The following PTPRT variants were observed in gnomAD, a reference collection of about 807,000 sequenced individuals.
The protein encoded by PTPRT is receptor-type tyrosine-protein phosphatase T.
A neutral mutation model predicts 176.8 loss-of-function variants in PTPRT; 56 were observed. The ratio of observed to expected loss-of-function variants is 0.32; its 90% CI spans 0.26 to 0.40. PTPRT has a LOEUF of 0.40. Ranked by LOEUF, PTPRT falls within the 10% of genes least tolerant of loss-of-function variation. PTPRT has a pLI of 1.00. For missense variants in PTPRT, 1,540 were observed against 1,908.2 expected (o/e 0.81, Z 3.60); for synonymous variants, 783 against 739.0 (o/e 1.06, Z -0.96).
intron 1 of PTPRT, among the ~76,000 whole-genome samples, chr20:42,920,058 T>C (rs1467622655): frequency 6.6e-6 from 1 of 152,226 alleles, no homozygotes; most frequent in Admixed American, 6.5e-5. Context: ...GCATTTTGAA[T>C]GTCCTAGATG....
At chr20:42,818,112 C>A (rs2077822031) in intron 2 of PTPRT, among the ~76,000 whole-genome samples, 1 of 152,076 alleles carries the variant, frequency 6.6e-6, no homozygotes, top group Non-Finnish European at 1.5e-5. Flanking sequence ...CAGGAGCAAC[C>A]CTACTGGCAT....
chr20:42,758,815 C>G (rs1442108955), intron 5 of PTPRT, among the ~76,000 whole-genome samples: 20 of 152,172 alleles, frequency 1.3e-4, no homozygotes, highest in Non-Finnish European at 1.5e-4. Flanking sequence ...TTTCACTGTT[C>G]TGAGCTGGAA....
At chr20:42,742,390 G>A (rs778225656) in intron 6 of PTPRT, among the ~76,000 whole-genome samples, 1 of 152,218 alleles carries the variant, frequency 6.6e-6, no homozygotes, top group Non-Finnish European at 1.5e-5. Flanking sequence ...ACAAGTCACA[G>A]TTGGTTCAGC....
At chr20:42,810,645 T>C (rs574943502) in intron 2 of PTPRT, among the ~76,000 whole-genome samples, 22 of 152,324 alleles carry the variant, frequency 1.4e-4, no homozygotes, top group African/African-American at 5.3e-4. Context: ...CAAGTACAGG[T>C]TGGATGGAAG....
At chr20:42,383,060 C>A (rs1890581380) in intron 9 of PTPRT, among the ~76,000 whole-genome samples, 1 of 152,138 alleles carries the variant, frequency 6.6e-6, no homozygotes, top group African/African-American at 2.4e-5. Flanking sequence ...CCTCAGTTTC[C>A]TCAATTTAAA....
intron 9 of PTPRT, among the ~76,000 whole-genome samples, chr20:42,367,306 G>C (rs1441880096): frequency 1.3e-5 from 2 of 152,180 alleles, no homozygotes; most frequent in African/African-American, 2.4e-5. Context: ...GGAGACTGTC[G>C]AGTAGGTCAG....
intron 6 of PTPRT, among the ~76,000 whole-genome samples, chr20:42,733,891 G>A (rs2146271320): frequency 6.6e-6 from 1 of 152,308 alleles, no homozygotes; most frequent in South Asian, 2.1e-4. Flanking sequence ...TTGGCCAGGT[G>A]CTCTGGCAAT....
chr20:42,145,093 G>A (rs1988801209), intron 17 of PTPRT, among the ~76,000 whole-genome samples: 2 of 152,194 alleles, frequency 1.3e-5, no homozygotes, highest in African/African-American at 4.8e-5. Context: ...TGTTAGTTGT[G>A]TAGTCTCTGT....
chr20:42,564,196 A>T (rs573041900), intron 7 of PTPRT, among the ~76,000 whole-genome samples: 1 of 152,352 alleles, frequency 6.6e-6, no homozygotes, highest in South Asian at 2.1e-4. Flanking sequence ...TCTCCTTCAC[A>T]GAAAGAAACA....
At chr20:42,229,091 C>T (rs1193463255) in intron 15 of PTPRT, among the ~76,000 whole-genome samples, 1 of 152,158 alleles carries the variant, frequency 6.6e-6, no homozygotes, top group African/African-American at 2.4e-5. Flanking sequence ...GAATTCACTG[C>T]AGGGATAAAC....
intron 9 of PTPRT, among the ~76,000 whole-genome samples, chr20:42,421,457 A>C (rs938599952): frequency 1.3e-5 from 2 of 152,144 alleles, no homozygotes; most frequent in Non-Finnish European, 2.9e-5. Flanking sequence ...GGAGACGTTG[A>C]CAGTCACGAC....
intron 1 of PTPRT, among the ~76,000 whole-genome samples, chr20:43,115,867 C>G (rs1311924862): frequency 1.3e-5 from 2 of 152,210 alleles, no homozygotes; most frequent in African/African-American, 4.8e-5. Context: ...CTGAGGAAGT[C>G]CTCTGAAAAT....
At chr20:42,519,170 T>A (rs1260808807) in intron 7 of PTPRT, among the ~76,000 whole-genome samples, 1 of 152,168 alleles carries the variant, frequency 6.6e-6, no homozygotes. Context: ...GCCACTAATC[T>A]GTTCTCCAGT....
At chr20:43,077,577 G>A (rs2011312503) in intron 1 of PTPRT, among the ~76,000 whole-genome samples, 1 of 152,170 alleles carries the variant, frequency 6.6e-6, no homozygotes, top group Non-Finnish European at 1.5e-5. Flanking sequence ...AGCTTTCAGA[G>A]GGTTCAGAAG....
intron 24 of PTPRT, among the ~76,000 whole-genome samples, chr20:42,105,590 A>T (rs1243566352): frequency 6.6e-6 from 1 of 152,206 alleles, no homozygotes; most frequent in African/African-American, 2.4e-5. Flanking sequence ...CTCTATAAAG[A>T]GTACTTTTCC....
the PTPRT span, among the ~76,000 whole-genome samples, chr20:42,040,582 C>G: frequency 6.6e-6 from 1 of 152,108 alleles, no homozygotes; most frequent in Admixed American, 6.5e-5. Flanking sequence ...TGTGGTTCAC[C>G]ATGAGATGTC....
chr20:42,913,810 T>C (rs1427084010), intron 1 of PTPRT, among the ~76,000 whole-genome samples: 1 of 152,218 alleles, frequency 6.6e-6, no homozygotes, highest in Non-Finnish European at 1.5e-5. Flanking sequence ...ATCTTTCAAT[T>C]TCCAGTTGTC....
rs187485957 is a variant in PTPRT, at chr20:42,788,666, C to T, written c.486+2529G>A. The stretch of plus-strand genomic sequence containing the variant: ...CTTTAAGTCTCCTGACAAAGAACCC[C>T]AAAATAAAAACCTTAAGAAAACCCT... On this transcript the variant is annotated intron_variant, in intron 3 of 30. Coordinates refer to ENST00000373187, the MANE Select transcript of PTPRT (RefSeq NM_007050.6). 2.0e-5 allele frequency among the ~76,000 whole-genome samples: 3 copies of T among 152,254 alleles called. No homozygotes were observed. The East Asian group carries it at 5.8e-4, about 29-fold the overall frequency.
At chr20:42,622,157 G>C (rs1427365654) in intron 7 of PTPRT, among the ~76,000 whole-genome samples, 2 of 152,162 alleles carry the variant, frequency 1.3e-5, no homozygotes, top group Non-Finnish European at 2.9e-5. Context: ...CTGGCATATG[G>C]AGACTGCCTA....
Sources: allele counts gnomAD v4.1 joint callset (sites outside exome capture counted in the v4.1 genomes callset), GRCh38; gene constraint gnomAD v4.1.1; transcripts MANE v1.5; gene names NCBI Gene and HGNC (gene_info 2026-07-23, HGNC 2026-07-21).